Variants in TBC1D5 observed in about 807,000 individuals in gnomAD.
TBC1D5 encodes TBC1 domain family member 5.
In TBC1D5, 75 loss-of-function variants were observed where a neutral mutation model predicts 100.3. The ratio of observed to expected loss-of-function variants is 0.75; its 90% CI spans 0.62 to 0.91. The LOEUF (loss-of-function observed/expected upper bound fraction) is 0.91, where lower values mean the gene tolerates loss of function less well. TBC1D5 is among the 40% of genes least tolerant of loss of function. The pLI is 0.00. For missense variants in TBC1D5, 910 were observed against 942.4 expected, an observed-to-expected ratio of 0.97 and a Z score of 0.45; for synonymous variants, 323 against 325.6, an observed-to-expected ratio of 0.99 and a Z score of 0.09.
intron 13 of TBC1D5, among the ~76,000 whole-genome samples, chr3:17,330,955 G>A (rs2086790447): frequency 6.6e-6 from 1 of 152,078 alleles, no homozygotes; most frequent in Non-Finnish European, 1.5e-5. Context: ...ATGGTTTTAA[G>A]CTTTCTGATC....
chr3:17,240,966 A>G (rs2076259366), intron 16 of TBC1D5, among the ~76,000 whole-genome samples: 1 of 152,186 alleles, frequency 6.6e-6, no homozygotes, highest in Non-Finnish European at 1.5e-5. Flanking sequence ...TTTTCATCTG[A>G]ATAGCTCTTA....
chr3:17,625,597 C>T (rs902841560), intron 1 of TBC1D5, among the ~76,000 whole-genome samples: 4 of 152,146 alleles, frequency 2.6e-5, no homozygotes, highest in Non-Finnish European at 5.9e-5. Flanking sequence ...TCATAATGTT[C>T]CTAACTATAA....
At chr3:17,476,466 ATCTG>A (rs1481080671) in intron 3 of TBC1D5, among the ~76,000 whole-genome samples, 2 of 151,920 alleles carry the variant, frequency 1.3e-5, no homozygotes, top group Non-Finnish European at 1.5e-5. Context: ...GTTTGAGTCT[ATCTG>A]TCTATCTGTT....
At chr3:17,595,205 A>T (rs1184241571) in intron 2 of TBC1D5, among the ~76,000 whole-genome samples, 1 of 152,168 alleles carries the variant, frequency 6.6e-6, no homozygotes, top group Non-Finnish European at 1.5e-5. Context: ...CCTTGTGATC[A>T]TTTCAGTTAA....
intron 3 of TBC1D5, among the ~76,000 whole-genome samples, chr3:17,500,876 AACTCAT>A (rs2095779254): frequency 6.7e-6 from 1 of 149,418 alleles, no homozygotes; most frequent in African/African-American, 2.5e-5. Context: ...ACAGATTTCT[AACTCAT>A]GGTCTTTCAA....
At chr3:17,707,796 G>A (rs556096561) in intron 1 of TBC1D5, among the ~76,000 whole-genome samples, 16 of 152,044 alleles carry the variant, frequency 1.1e-4, no homozygotes, top group African/African-American at 3.9e-4. Flanking sequence ...TGAACAGGAA[G>A]AATTAAAAAC....
At chr3:17,725,284 A>G (rs1378977900) in intron 1 of TBC1D5, among the ~76,000 whole-genome samples, 1 of 152,204 alleles carries the variant, frequency 6.6e-6, no homozygotes, top group South Asian at 2.1e-4. Context: ...AACCACTTTA[A>G]GTTACAGCTT....
intron 19 of TBC1D5, among the ~76,000 whole-genome samples, chr3:17,176,508 T>C (rs2067747761): frequency 6.6e-6 from 1 of 152,160 alleles, no homozygotes; most frequent in Admixed American, 6.5e-5. Context: ...TTTATTTAGA[T>C]ATTAAGTTGG....
At chr3:17,208,506 C>A (rs2072533952) in intron 18 of TBC1D5, among the ~76,000 whole-genome samples, 1 of 152,224 alleles carries the variant, frequency 6.6e-6, no homozygotes, top group Admixed American at 6.5e-5. Flanking sequence ...ACTTAACACA[C>A]TATTTAATAA....
chr3:17,166,657 A>G, intron 21 of TBC1D5, 110 bp downstream of exon 22: 1 of 1,460,058 alleles, frequency 6.8e-7, no homozygotes. Context: ...GTTGAACTTC[A>G]TACATGGTAA....
chr3:17,506,902 G>T (rs2095850579), intron 3 of TBC1D5, among the ~76,000 whole-genome samples: 1 of 152,128 alleles, frequency 6.6e-6, no homozygotes, highest in Non-Finnish European at 1.5e-5. Flanking sequence ...TGTAGTCCCA[G>T]CTACTTGGGA....
chr3:17,470,593 T>C (rs1488153037), intron 3 of TBC1D5, among the ~76,000 whole-genome samples: 1 of 152,066 alleles, frequency 6.6e-6, no homozygotes. Context: ...GGCACAAGGG[T>C]CTTCTGCACT....
chr3:17,637,865 CT>C (rs2064110776), intron 1 of TBC1D5, among the ~76,000 whole-genome samples: 1 of 152,122 alleles, frequency 6.6e-6, no homozygotes, highest in South Asian at 2.1e-4. Context: ...AACAATTTCA[CT>C]TGTAAAATTT....
At chr3:17,654,838 G>T (rs367817587) in intron 1 of TBC1D5, among the ~76,000 whole-genome samples, 2 of 152,218 alleles carry the variant, frequency 1.3e-5, no homozygotes, top group South Asian at 2.1e-4. Flanking sequence ...CAATTTCAGA[G>T]CCTGTTATTG....
chr3:17,278,653 A>G (rs1264395732), intron 15 of TBC1D5, among the ~76,000 whole-genome samples: 1 of 152,206 alleles, frequency 6.6e-6, no homozygotes, highest in Non-Finnish European at 1.5e-5. Flanking sequence ...AAGCTACCTC[A>G]TAAAGAGACA....
At chr3:17,721,707 A>G (rs2075722639) in intron 1 of TBC1D5, among the ~76,000 whole-genome samples, 1 of 151,434 alleles carries the variant, frequency 6.6e-6, no homozygotes, top group African/African-American at 2.4e-5. Flanking sequence ...GTGGCTGGGC[A>G]TGGTGGCTCA....
chr3:17,176,629 A>G (rs1316733301), intron 19 of TBC1D5, among the ~76,000 whole-genome samples: 3 of 152,164 alleles, frequency 2.0e-5, no homozygotes, highest in Non-Finnish European at 4.4e-5. Flanking sequence ...GGAGGGGAAC[A>G]TCATACACTG....
At chr3:17,249,607 G>A (rs918187435) in intron 16 of TBC1D5, among the ~76,000 whole-genome samples, 2 of 152,204 alleles carry the variant, frequency 1.3e-5, no homozygotes, top group East Asian at 3.9e-4. Context: ...CTCCCTAGAA[G>A]TCCAGCAGAT....
At chr3:17,646,367 GT>G (rs2065016440) in intron 1 of TBC1D5, among the ~76,000 whole-genome samples, 1 of 151,932 alleles carries the variant, frequency 6.6e-6, no homozygotes, top group Admixed American at 6.6e-5. Flanking sequence ...TCAGTTTTTG[GT>G]TCTTTGTTAT....
Sources: allele counts gnomAD v4.1 joint callset (sites outside exome capture counted in the v4.1 genomes callset), GRCh38; gene constraint gnomAD v4.1.1; transcripts MANE v1.5; gene names NCBI Gene and HGNC (gene_info 2026-07-23, HGNC 2026-07-21).